Variants in NALF1 observed in about 807,000 individuals in gnomAD.
NALF1 encodes the protein NALCN channel auxiliary factor 1.
A neutral mutation model predicts 48.4 loss-of-function variants in NALF1; 3 were observed. The observed-to-expected ratio is 0.06, with a 90% CI of 0.03 to 0.16. The LOEUF (loss-of-function observed/expected upper bound fraction) is 0.16. NALF1 is among the 10% of genes least tolerant of loss of function. NALF1 has a pLI of 1.00. For missense variants in NALF1, 526 were observed against 571.5 expected, an observed-to-expected ratio of 0.92 and a Z score of 0.81; for synonymous variants, 262 against 245.7, an observed-to-expected ratio of 1.07 and a Z score of -0.62.
At chr13:107,702,843 A>G (rs1881856463) in intron 1 of NALF1, among the ~76,000 whole-genome samples, 1 of 152,100 alleles carries the variant, frequency 6.6e-6, no homozygotes, top group Non-Finnish European at 1.5e-5. Flanking sequence ...AACATCATCC[A>G]GCTCCATCCA....
At chr13:107,434,839 A>G (rs1884438309) in intron 1 of NALF1, among the ~76,000 whole-genome samples, 1 of 152,218 alleles carries the variant, frequency 6.6e-6, no homozygotes, top group South Asian at 2.1e-4. Flanking sequence ...AATGTAAACC[A>G]TGCCCAGTAA....
chr13:107,447,111 G>T (rs1227109648), intron 1 of NALF1, among the ~76,000 whole-genome samples: 1 of 152,150 alleles, frequency 6.6e-6, no homozygotes, highest in African/African-American at 2.4e-5. Flanking sequence ...CCTCTTCCAA[G>T]TTTGCTAAGC....
intron 1 of NALF1, among the ~76,000 whole-genome samples, chr13:107,330,334 C>T (rs1882445782): frequency 6.6e-6 from 1 of 152,140 alleles, no homozygotes; most frequent in Non-Finnish European, 1.5e-5. Context: ...ACATTGTCTC[C>T]ATTATACGTA....
At chr13:107,297,601 C>T (rs1207154219) in intron 1 of NALF1, among the ~76,000 whole-genome samples, 3 of 152,116 alleles carry the variant, frequency 2.0e-5, no homozygotes, top group African/African-American at 7.2e-5. Flanking sequence ...AAATCAAAGG[C>T]TCTCAGAATT....
At chr13:107,615,132 C>T (rs898091656) in intron 1 of NALF1, among the ~76,000 whole-genome samples, 4 of 152,172 alleles carry the variant, frequency 2.6e-5, no homozygotes, top group Non-Finnish European at 5.9e-5. Flanking sequence ...GCCAACATTA[C>T]AAAAATAAGT....
chr13:107,820,228 T>C (rs1879325946), intron 1 of NALF1, among the ~76,000 whole-genome samples: 1 of 152,170 alleles, frequency 6.6e-6, no homozygotes, highest in Non-Finnish European at 1.5e-5. Flanking sequence ...AAGAGATCAA[T>C]AAATAAATGT....
Position 107,749,128 on chromosome 13 carries a change from T to TTGTGTGTGTGTGTGTGTG in NALF1, c.915+116536_915+116553dup, listed in dbSNP as rs58213843. ...ATGACTCAGACTATAATGTCTATAA[T>TTGTGTGTGTGTGTGTGTG]TGTGTGTGTGTGTGTGTGTGTGTGT... On this transcript the variant is annotated intron_variant, in intron 1 of 2. Transcript: ENST00000375915. Among the ~76,000 whole-genome samples, 97 of 147,448 alleles carry TTGTGTGTGTGTGTGTGTG rather than the reference T, an allele frequency of 6.6e-4. 2 individuals are homozygous for TTGTGTGTGTGTGTGTGTG. The highest frequency in any genetic ancestry group is 1.9e-3 in the African/African-American group (76 of 39,726).
intron 1 of NALF1, among the ~76,000 whole-genome samples, chr13:107,355,073 A>G (rs948003245): frequency 6.6e-6 from 1 of 152,152 alleles, no homozygotes. Flanking sequence ...GGCACTGCCT[A>G]TCTTTGTTCT....
At chr13:107,851,569 C>T (rs926115145) in intron 1 of NALF1, among the ~76,000 whole-genome samples, 25 of 152,118 alleles carry the variant, frequency 1.6e-4, no homozygotes, top group African/African-American at 5.8e-4. Flanking sequence ...AATTATCTGA[C>T]TTAGAGCTTA....
At chr13:107,690,693 A>T (rs1186319865) in intron 1 of NALF1, among the ~76,000 whole-genome samples, 1 of 152,200 alleles carries the variant, frequency 6.6e-6, no homozygotes, top group Non-Finnish European at 1.5e-5. Flanking sequence ...ACTTTGAAGG[A>T]GATGGGAGAG....
intron 1 of NALF1, among the ~76,000 whole-genome samples, chr13:107,438,983 T>C (rs2139024360): frequency 6.6e-6 from 1 of 152,152 alleles, no homozygotes; most frequent in South Asian, 2.1e-4. Context: ...GTATTTTTAT[T>C]TGAATTCAGA....
chr13:107,178,357 G>A (rs1878983937), intron 2 of NALF1, among the ~76,000 whole-genome samples: 2 of 152,158 alleles, frequency 1.3e-5, no homozygotes, highest in Non-Finnish European at 2.9e-5. Context: ...AATTCCACAG[G>A]AAAACATCTA....
At chr13:107,206,353 C>A (rs996072359) in intron 2 of NALF1, among the ~76,000 whole-genome samples, 2 of 152,140 alleles carry the variant, frequency 1.3e-5, no homozygotes, top group African/African-American at 4.8e-5. Context: ...CTGTAACATC[C>A]TCAATCAAAA....
chr13:107,448,574 T>G (rs1244214515), intron 1 of NALF1, among the ~76,000 whole-genome samples: 1 of 152,228 alleles, frequency 6.6e-6, no homozygotes, highest in Non-Finnish European at 1.5e-5. Context: ...AATGGTCATA[T>G]GCATGTCACA....
chr13:107,365,007 C>T (rs1883129078), intron 1 of NALF1, among the ~76,000 whole-genome samples: 1 of 95,810 alleles, frequency 1.0e-5, no homozygotes, highest in Non-Finnish European at 2.1e-5. Flanking sequence ...CCTCCTCTTC[C>T]TCCACCTCCC....
chr13:107,293,954 GGAA>G (rs762379093), intron 1 of NALF1, among the ~76,000 whole-genome samples: 1 of 152,204 alleles, frequency 6.6e-6, no homozygotes, highest in Non-Finnish European at 1.5e-5. Flanking sequence ...GCACACAATT[GGAA>G]GATAAAACAA....
intron 1 of NALF1, among the ~76,000 whole-genome samples, chr13:107,257,113 C>G (rs1262936104): frequency 1.3e-5 from 2 of 152,072 alleles, no homozygotes; most frequent in African/African-American, 4.8e-5. Context: ...GGGGGAAGAA[C>G]CCCTTACAAA....
In NALF1 at chr13:107,526,804, G is replaced by A. The variant is rs542061852; in HGVS notation, c.916-316049C>T. On this transcript the variant is annotated intron_variant, in intron 1 of 2. Coordinates refer to ENST00000375915, the MANE Select transcript of NALF1 (RefSeq NM_001080396.3). ...ATCAGTGAAAATCTATCCAACTTCT[G>A]AAGATCCTTTATGATTAAGAAATAG... Among the ~76,000 whole-genome samples, 3 of 152,188 alleles carry A rather than the reference G, an allele frequency of 2.0e-5. No homozygotes were observed. In the East Asian group the frequency reaches 5.8e-4, roughly 29 times the overall value.
chr13:107,530,704 A>G (rs937839029), intron 1 of NALF1, among the ~76,000 whole-genome samples: 44 of 152,250 alleles, frequency 2.9e-4, no homozygotes, highest in African/African-American at 9.9e-4. Flanking sequence ...CACCACAGCT[A>G]TAGAGAAAAC....
Sources: allele counts gnomAD v4.1 joint callset (sites outside exome capture counted in the v4.1 genomes callset), GRCh38; gene constraint gnomAD v4.1.1; transcripts MANE v1.5; gene names NCBI Gene and HGNC (gene_info 2026-07-23, HGNC 2026-07-21).